The following ATRNL1 variants were observed in gnomAD, a reference collection of about 807,000 sequenced individuals.
ATRNL1 encodes attractin like 1, also known as attractin-like protein 1.
In ATRNL1, 95 loss-of-function variants were observed where a neutral mutation model predicts 182.7. The observed-to-expected ratio is 0.52, with a 90% CI of 0.44 to 0.62. ATRNL1 has a LOEUF of 0.62. Among genes scored for constraint, ATRNL1 ranks in the 20% least tolerant of loss-of-function variants. The pLI, the probability that ATRNL1 is intolerant of heterozygous loss-of-function variation, is 0.00. For synonymous variants in ATRNL1, 576 were observed against 568.3 expected, an observed-to-expected ratio of 1.01 and a Z score of -0.19; for missense variants, 1,471 against 1,679.5, an observed-to-expected ratio of 0.88 and a Z score of 2.17.
intron 27 of ATRNL1, among the ~76,000 whole-genome samples, chr10:115,818,886 C>T (rs1052181741): frequency 4.6e-5 from 7 of 152,132 alleles, no homozygotes; most frequent in Non-Finnish European, 1.0e-4. Context: ...AAGAGAACCA[C>T]GGTCATCACC....
intron 9 of ATRNL1, among the ~76,000 whole-genome samples, chr10:115,240,906 AAT>A (rs60790084): frequency 6.6e-6 from 1 of 151,722 alleles, no homozygotes. Flanking sequence ...ATATATCTCA[AAT>A]ATATATATAT....
intron 26 of ATRNL1, among the ~76,000 whole-genome samples, chr10:115,723,512 A>C (rs1462255084): frequency 7.2e-6 from 1 of 138,622 alleles, no homozygotes; most frequent in Middle Eastern, 3.8e-3. Context: ...GTCAAATTTA[A>C]GCGTAGATAT....
chr10:115,343,992 T>C (rs1855864907), intron 19 of ATRNL1, among the ~76,000 whole-genome samples: 1 of 152,190 alleles, frequency 6.6e-6, no homozygotes, highest in East Asian at 1.9e-4. Context: ...AGAATTCCTC[T>C]CTCTGTTCTG....
intron 18 of ATRNL1, among the ~76,000 whole-genome samples, chr10:115,323,102 A>G (rs1388974063): frequency 6.6e-6 from 1 of 150,792 alleles, no homozygotes; most frequent in Non-Finnish European, 1.5e-5. Context: ...CTCTCTTTCC[A>G]GTGTTTCTAT....
At chr10:115,941,499 A>G (rs1555124268) in intron 28 of ATRNL1, among the ~76,000 whole-genome samples, 3 of 152,196 alleles carry the variant, frequency 2.0e-5, no homozygotes, top group East Asian at 1.9e-4. Flanking sequence ...TTGCATTCAC[A>G]TGTAAATGGA....
chr10:115,119,917 T>G (rs1435452209), intron 1 of ATRNL1, among the ~76,000 whole-genome samples: 1 of 152,132 alleles, frequency 6.6e-6, no homozygotes, highest in Non-Finnish European at 1.5e-5. Context: ...TTCAGTACTA[T>G]GTTCAGTCTT....
intron 28 of ATRNL1, among the ~76,000 whole-genome samples, chr10:115,867,402 C>T (rs1051479742): frequency 2.0e-5 from 3 of 152,108 alleles, no homozygotes; most frequent in Admixed American, 6.6e-5. Context: ...GAGGAAGTTT[C>T]CATTTACTTA....
chr10:115,377,463 G>A (rs663979), intron 19 of ATRNL1, among the ~76,000 whole-genome samples: 1 of 152,060 alleles, frequency 6.6e-6, no homozygotes, highest in East Asian at 1.9e-4. Context: ...TGTGAAAATG[G>A]ACTAATACGG....
At chr10:115,839,316 G>A (rs1401060336) in intron 27 of ATRNL1, among the ~76,000 whole-genome samples, 1 of 152,066 alleles carries the variant, frequency 6.6e-6, no homozygotes, top group African/African-American at 2.4e-5. Context: ...TGTGCTGCAC[G>A]TGTCCGTTTC....
chr10:115,538,924 A>C (rs897011005), intron 25 of ATRNL1, among the ~76,000 whole-genome samples: 3 of 152,184 alleles, frequency 2.0e-5, no homozygotes, highest in Non-Finnish European at 4.4e-5. Flanking sequence ...GATACACAAA[A>C]ACCATTGTGT....
chr10:115,699,658 T>C (rs1946671757), intron 26 of ATRNL1, among the ~76,000 whole-genome samples: 1 of 152,068 alleles, frequency 6.6e-6, no homozygotes. Context: ...TATTTGTTTG[T>C]TTATTTATTT....
At chr10:115,465,353 C>A (rs2134547156) in intron 22 of ATRNL1, among the ~76,000 whole-genome samples, 1 of 151,712 alleles carries the variant, frequency 6.6e-6, no homozygotes, top group South Asian at 2.1e-4. Flanking sequence ...ATTTTGTATA[C>A]CACAACTGAA....
At chr10:115,285,198 A>G (rs1015931744) in intron 14 of ATRNL1, among the ~76,000 whole-genome samples, 20 of 152,108 alleles carry the variant, frequency 1.3e-4, no homozygotes, top group African/African-American at 3.9e-4. Flanking sequence ...TAAATGAATA[A>G]ATACATGTAT....
At chr10:115,573,672 G>C (rs1175845302) in intron 26 of ATRNL1, among the ~76,000 whole-genome samples, 2 of 152,126 alleles carry the variant, frequency 1.3e-5, no homozygotes, top group Non-Finnish European at 2.9e-5. Context: ...ACAACTCAGT[G>C]AGCAAGATAA....
intron 26 of ATRNL1, among the ~76,000 whole-genome samples, chr10:115,553,547 G>T (rs936735652): frequency 6.6e-6 from 1 of 151,202 alleles, no homozygotes; most frequent in Non-Finnish European, 1.5e-5. Context: ...TGCCCAATGA[G>T]GGATTGAATT....
At chr10:115,518,314 A>G (rs1554984364) in intron 24 of ATRNL1, among the ~76,000 whole-genome samples, 2 of 151,754 alleles carry the variant, frequency 1.3e-5, no homozygotes, top group Non-Finnish European at 3.0e-5. Context: ...CTTTTAGTCC[A>G]TTTTCAGTAG....
chr10:115,852,884 C>T (rs186370603), intron 28 of ATRNL1, among the ~76,000 whole-genome samples: 2 of 152,182 alleles, frequency 1.3e-5, no homozygotes, highest in Admixed American at 6.5e-5. Context: ...AACTATGACT[C>T]GGTGTATGTA....
chr10:115,554,845 AT>A (rs1554996613), intron 26 of ATRNL1, among the ~76,000 whole-genome samples: 1 of 151,666 alleles, frequency 6.6e-6, no homozygotes, highest in East Asian at 1.9e-4. Flanking sequence ...AATACAACAA[AT>A]TTGTCTAAAA....
At chr10:115,616,261 A>G (rs1304604258) in intron 26 of ATRNL1, among the ~76,000 whole-genome samples, 1 of 152,180 alleles carries the variant, frequency 6.6e-6, no homozygotes, top group Non-Finnish European at 1.5e-5. Context: ...CTGGTGGAAG[A>G]AATTTCTAAG....
Sources: gnomAD v4.1 joint callset for allele counts (sites outside exome capture counted in the v4.1 genomes callset) on GRCh38, gnomAD v4.1.1 for gene constraint, MANE v1.5 for transcripts, NCBI Gene and HGNC (gene_info 2026-07-23, HGNC 2026-07-21) for gene names.